CACNA2D3: variants seen among roughly 807,000 people sequenced by gnomAD.
CACNA2D3 encodes the protein calcium voltage-gated channel auxiliary subunit alpha2delta 3, also known as voltage-dependent calcium channel subunit alpha-2/delta-3.
CACNA2D3 carries 60 observed loss-of-function variants against 160.6 expected under a neutral mutation model. The ratio of observed to expected loss-of-function variants is 0.37; its 90% CI spans 0.30 to 0.46. The LOEUF is 0.46. CACNA2D3 is among the 20% of genes least tolerant of loss of function. CACNA2D3 has a pLI of 1.00. For missense variants in CACNA2D3, 1,205 were observed against 1,365.0 expected, an observed-to-expected ratio of 0.88 and a Z score of 1.85; for synonymous variants, 558 against 492.9, an observed-to-expected ratio of 1.13 and a Z score of -1.75.
intron 13 of CACNA2D3, among the ~76,000 whole-genome samples, chr3:54,780,829 G>A (rs1343082393): frequency 6.6e-6 from 1 of 152,148 alleles, no homozygotes; most frequent in Non-Finnish European, 1.5e-5. Context: ...GGGGGGGTTG[G>A]AATCATAGAT....
At chr3:54,641,897 G>A (rs886892108) in intron 10 of CACNA2D3, among the ~76,000 whole-genome samples, 1 of 152,294 alleles carries the variant, frequency 6.6e-6, no homozygotes, top group East Asian at 1.9e-4. Context: ...AGTAAGGTCT[G>A]TTCGGTTGGT....
intron 5 of CACNA2D3, among the ~76,000 whole-genome samples, chr3:54,525,281 C>T (rs574849198): frequency 1.3e-5 from 2 of 152,204 alleles, no homozygotes; most frequent in African/African-American, 4.8e-5. Context: ...AATATATTAC[C>T]TCTCTATATG....
chr3:54,392,790 A>G (rs1379074814), intron 4 of CACNA2D3, among the ~76,000 whole-genome samples: 2 of 152,152 alleles, frequency 1.3e-5, no homozygotes, highest in African/African-American at 2.4e-5. Context: ...TTTGTGTTGA[A>G]GGAAACCCAG....
rs938932680 is a variant in CACNA2D3, at chr3:54,916,011, G to T, written c.2449+16143G>T. On this transcript the variant is annotated intron_variant, in intron 27 of 37. Transcript: ENST00000474759. ...AAACTCCCTCATGTAATCTCTGTGG[G>T]TAGGGGGACTGGGTTGACCTCCACT... is the stretch of plus-strand genomic sequence containing the variant. Among the ~76,000 whole-genome samples, 5 of 152,174 alleles carry T rather than the reference G, an allele frequency of 3.3e-5. No individual in the cohort carries two copies. The East Asian group carries it at 9.6e-4, about 29-fold the overall frequency.
intron 9 of CACNA2D3, among the ~76,000 whole-genome samples, chr3:54,600,594 C>T (rs1261498192): frequency 6.6e-6 from 1 of 152,126 alleles, no homozygotes; most frequent in African/African-American, 2.4e-5. Flanking sequence ...ACTGGCTTCT[C>T]CTCAAGGACC....
chr3:54,678,892 C>G (rs1036728004), intron 11 of CACNA2D3, among the ~76,000 whole-genome samples: 3 of 152,042 alleles, frequency 2.0e-5, no homozygotes, highest in African/African-American at 7.3e-5. Flanking sequence ...AGTGGTAGCT[C>G]AACGAACAGT....
intron 2 of CACNA2D3, among the ~76,000 whole-genome samples, chr3:54,298,360 C>T (rs59804657): frequency 0.23 from 35,367 of 152,236 alleles, 4,361 homozygotes; most frequent in South Asian, 0.34. Flanking sequence ...TGCCGGGTTA[C>T]GAGAAATAAT....
chr3:54,179,526 G>A (rs1282249893), intron 2 of CACNA2D3, among the ~76,000 whole-genome samples: 3 of 152,098 alleles, frequency 2.0e-5, no homozygotes, highest in African/African-American at 7.2e-5. Context: ...CGTAATTGGG[G>A]GAATTTTGCT....
chr3:54,763,755 A>ACATATATATGTGTATATATG (rs1702141878), intron 12 of CACNA2D3, among the ~76,000 whole-genome samples: 3 of 49,586 alleles, frequency 6.1e-5, no homozygotes, highest in African/African-American at 9.9e-5. Context: ...GTGCATATAT[A>ACATATATATGTGTATATATG]TACACATATA....
At chr3:54,459,685 TGAGTAGGTTGC>T (rs879699439) in intron 4 of CACNA2D3, among the ~76,000 whole-genome samples, 157 of 152,050 alleles carry the variant, frequency 1.0e-3, no homozygotes, top group Non-Finnish European at 2.1e-3. Context: ...CTTTGTCAGA[TGAGTAGGTTGC>T]GAAAATTTTC....
intron 5 of CACNA2D3, among the ~76,000 whole-genome samples, chr3:54,552,995 A>G (rs548297525): frequency 6.2e-4 from 95 of 152,298 alleles, no homozygotes; most frequent in Non-Finnish European, 9.3e-4. Context: ...GGGAGACTAG[A>G]GCATTCTCTG....
At chr3:54,288,772 G>A (rs539907723) in intron 2 of CACNA2D3, among the ~76,000 whole-genome samples, 6 of 151,952 alleles carry the variant, frequency 3.9e-5, no homozygotes, top group South Asian at 2.1e-4. Context: ...TTCAATATAC[G>A]CAAATCAATA....
rs142724307 is a variant in CACNA2D3 at position 54,712,077 on chromosome 3, C to A, written c.1168-40522C>A. Among the ~76,000 whole-genome samples the A allele has an allele frequency of 1.1e-3, 171 of 152,292 alleles. 1 individual carries two copies. Among genetic ancestry groups the A allele is most frequent in the African/African-American group, 3.9e-3 (164 of 41,574 alleles). On this transcript the variant is annotated intron_variant, in intron 11 of 37. Transcript: ENST00000474759. Reference sequence around the variant, plus strand: ...CAGCCTGGTTAAAATTCTAACTCTACAACTTACTTGTTAGGTGACCTCAGG... The same window carrying A: ...CAGCCTGGTTAAAATTCTAACTCTAAAACTTACTTGTTAGGTGACCTCAGG...
intron 4 of CACNA2D3, among the ~76,000 whole-genome samples, chr3:54,470,214 C>G (rs1378327147): frequency 1.3e-5 from 2 of 152,334 alleles, no homozygotes; most frequent in East Asian, 3.9e-4. Context: ...GGAAGCCCAT[C>G]AGAATAACAG....
At chr3:54,571,673 C>T (rs1403548842) in intron 8 of CACNA2D3, among the ~76,000 whole-genome samples, 1 of 137,872 alleles carries the variant, frequency 7.3e-6, no homozygotes, top group African/African-American at 2.6e-5. Flanking sequence ...GACACTTATT[C>T]TTTTGCATGA....
intron 27 of CACNA2D3, among the ~76,000 whole-genome samples, chr3:54,903,106 G>C (rs1700375936): frequency 1.3e-5 from 2 of 151,996 alleles, no homozygotes; most frequent in Admixed American, 6.6e-5. Context: ...TTGTTACATA[G>C]GTAAACTGTG....
At chr3:54,159,090 C>T (rs1289861809) in intron 2 of CACNA2D3, among the ~76,000 whole-genome samples, 2 of 152,122 alleles carry the variant, frequency 1.3e-5, no homozygotes, top group African/African-American at 4.8e-5. Context: ...TGAATCAAAC[C>T]CTCTTTAAAT....
At chr3:54,544,546 G>A (rs1367655393) in intron 5 of CACNA2D3, among the ~76,000 whole-genome samples, 3 of 152,072 alleles carry the variant, frequency 2.0e-5, no homozygotes, top group Admixed American at 6.6e-5. Flanking sequence ...TAGAAGTATA[G>A]GTGTGCACCA....
chr3:54,719,019 T>A (rs1701117511), intron 11 of CACNA2D3, among the ~76,000 whole-genome samples: 1 of 152,022 alleles, frequency 6.6e-6, no homozygotes, highest in Non-Finnish European at 1.5e-5. Context: ...CCAAGTTCAC[T>A]TACTGAAAAG....
Sources: gnomAD v4.1 joint callset for allele counts (sites outside exome capture counted in the v4.1 genomes callset) on GRCh38, gnomAD v4.1.1 for gene constraint, MANE v1.5 for transcripts, NCBI Gene and HGNC (gene_info 2026-07-23, HGNC 2026-07-21) for gene names.